PIGN: variants seen among roughly 807,000 people sequenced by gnomAD.
The protein encoded by PIGN is GPI ethanolamine phosphate transferase 1.
In PIGN, 117 loss-of-function variants were observed where a neutral mutation model predicts 125.4. The observed-to-expected ratio is 0.93, with a 90% confidence interval of 0.80 to 1.09. PIGN has a LOEUF of 1.09. PIGN is among the 50% of genes least tolerant of loss of function. The pLI, the probability that PIGN is intolerant of heterozygous loss-of-function variation, is 0.00. For synonymous variants in PIGN, 392 were observed against 377.8 expected (o/e 1.04, Z -0.44); for missense variants, 1,075 against 1,094.9 (o/e 0.98, Z 0.26).
rs541070535 is a variant in PIGN at position 62,067,407 on chromosome 18, A to G, written c.2672+5266T>C. 1.1e-4 allele frequency among the ~76,000 whole-genome samples: 16 copies of G among 152,324 alleles called. No individual in the cohort carries two copies. In the East Asian group the frequency reaches 3.1e-3, roughly 29 times the overall value. ...CCGATTATTGACAAATGCTACATCCATGTAACTAAAAACAACTTCAATATA... is the reference window on the plus strand; with the variant it reads ...CCGATTATTGACAAATGCTACATCCGTGTAACTAAAAACAACTTCAATATA... On this transcript the variant is annotated intron_variant, in intron 30 of 30. Coordinates refer to ENST00000640252, the MANE Select transcript of PIGN (RefSeq NM_176787.5).
chr18:62,153,705 G>T (rs1402110854), intron 7 of PIGN: 1 of 151,878 alleles, frequency 6.6e-6, no homozygotes, highest in East Asian at 1.9e-4. Flanking sequence ...AAAAAAATAG[G>T]GTTTAGCAAT....
At chr18:62,101,728 T>C (rs1298938938) in intron 21 of PIGN, among the ~76,000 whole-genome samples, 2 of 152,210 alleles carry the variant, frequency 1.3e-5, no homozygotes, top group Non-Finnish European at 2.9e-5. Flanking sequence ...CTATCCAAGC[T>C]CTATTCTTGA....
chr18:62,022,667 G>A (rs1321133325), intron 23 of PIGN, among the ~76,000 whole-genome samples: 2 of 152,168 alleles, frequency 1.3e-5, no homozygotes, highest in Non-Finnish European at 2.9e-5. Context: ...TTGGTTTTAA[G>A]TGTATAGGAA....
At chr18:62,084,801 C>A (rs1302378677) in intron 26 of PIGN, among the ~76,000 whole-genome samples, 195 bp from the exon 27 acceptor site, 1 of 152,142 alleles carries the variant, frequency 6.6e-6, no homozygotes, top group Non-Finnish European at 1.5e-5. Context: ...CAAAATATAT[C>A]ATTCAGTATA....
rs2298782 is a variant in PIGN, at chr18:62,109,333, T to C, written c.1574+501A>G. 9.7e-3 allele frequency among the ~76,000 whole-genome samples: 1,472 copies of C among 152,246 alleles called. 47 individuals carry two copies. The highest frequency in any genetic ancestry group is 0.069 in the East Asian group (355 of 5,176). ...AGAACCACAGCACATGTGAAAAATA[T>C]AGACTAATCTCTGTGTGTAAATATA... is the stretch of plus-strand genomic sequence containing the variant. On this transcript the variant is annotated intron_variant, in intron 17 of 30. Coordinates refer to ENST00000640252, the MANE Select transcript of PIGN (RefSeq NM_176787.5).
chr18:62,155,434 T>C (rs922352541), intron 6 of PIGN, among the ~76,000 whole-genome samples: 6 of 151,962 alleles, frequency 3.9e-5, no homozygotes, highest in Non-Finnish European at 7.4e-5. Context: ...CTGGGTGTGG[T>C]GGTGTGCGCT....
intron 23 of PIGN, among the ~76,000 whole-genome samples, chr18:62,025,465 G>A (rs525624): frequency 0.66 from 100,684 of 152,054 alleles, 34,962 homozygotes; most frequent in African/African-American, 0.88. Flanking sequence ...CATGTGGTTG[G>A]ATAAGCTTAG....
chr18:62,155,569 CA>C (rs1052717719), intron 6 of PIGN, among the ~76,000 whole-genome samples: 30 of 151,682 alleles, frequency 2.0e-4, no homozygotes, highest in Admixed American at 1.8e-3. Flanking sequence ...AACTCCGTCT[CA>C]AAAAAACAAA....
rs886988060 is a variant in PIGN at position 62,078,440 on chromosome 18, T to C, written c.2577-3619A>G. On this transcript the variant is annotated intron_variant, in intron 28 of 30. Coordinates refer to ENST00000640252, the MANE Select transcript of PIGN (RefSeq NM_176787.5). ...AGTCATAGACTTCTAACAGCAAGTC[T>C]GGCCCCACAGCCTGTGCTCCTAACC... 4.9e-4 allele frequency among the ~76,000 whole-genome samples: 75 copies of C among 152,218 alleles called. 4 individuals carry two copies. The highest frequency in any genetic ancestry group is 1.5e-5 in the Non-Finnish European group (1 of 68,042).
At chr18:62,055,087 TG>T (rs2031620862) in intron 30 of PIGN, among the ~76,000 whole-genome samples, 1 of 152,198 alleles carries the variant, frequency 6.6e-6, no homozygotes, top group Non-Finnish European at 1.5e-5. Context: ...TGACAGTCTC[TG>T]GTACAACCAC....
At chr18:62,185,362 A>G (rs1156672747) in intron 1 of PIGN, among the ~76,000 whole-genome samples, 5 of 152,228 alleles carry the variant, frequency 3.3e-5, no homozygotes, top group Non-Finnish European at 7.3e-5. Flanking sequence ...ATTTATCATT[A>G]AAACATTGGG....
chr18:62,184,833 CT>C (rs1243350035), intron 1 of PIGN, among the ~76,000 whole-genome samples: 2 of 152,166 alleles, frequency 1.3e-5, no homozygotes, highest in African/African-American at 4.8e-5. Context: ...TCAACACATA[CT>C]AATATTTCAA....
rs756703465 is a variant in PIGN at position 62,114,589 on chromosome 18, T to G, written c.1223A>C (p.Tyr408Ser). 1 of 1,523,146 alleles carries G rather than the reference T, an allele frequency of 6.6e-7. No individual in the cohort carries two copies. The allele number at this position is 1,523,146 out of a possible 1,614,324, so 94.4% of individuals were successfully genotyped here. A position where few individuals can be genotyped will look rare whatever the true frequency, so the allele number is the denominator to read the frequency against. The change falls in exon 15 of 31, where the codon TAT (tyrosine) becomes TCT (serine). Residue 408 changes from tyrosine (Y) to serine (S), a missense_variant. Physicochemically the swap from Tyr to Ser is moderately radical, Grantham distance 144. Around this residue, in one of 3 missense-constraint regions of PIGN, gnomAD observed 915 missense variants for 908.7 expected, o/e 1.01. Coordinates refer to ENST00000640252, the MANE Select transcript of PIGN (RefSeq NM_176787.5). ...TTCATCAAACTTTCTGTGTTTTATATAAGATCTTGCTTTTCTTAAAATGTT... is the reference window on the plus strand; with the variant it reads ...TTCATCAAACTTTCTGTGTTTTATAGAAGATCTTGCTTTTCTTAAAATGTT... ...QFNILRKARS[Y>S]IKHRKFDEVV...
intron 10 of PIGN, 53 bp downstream of exon 10, chr18:62,145,856 T>A (rs2036307472): frequency 1.1e-6 from 1 of 879,994 alleles, no homozygotes; most frequent in Non-Finnish European, 1.8e-6. Flanking sequence ...AATTTAAACT[T>A]TGTTCTTATT....
At chr18:62,101,778 G>C (rs539075332) in intron 21 of PIGN, among the ~76,000 whole-genome samples, 7 of 152,246 alleles carry the variant, frequency 4.6e-5, no homozygotes, top group Non-Finnish European at 8.8e-5. Context: ...TTTGCTTTTT[G>C]TGTGTGGTCT....
At chr18:62,122,047 G>A (rs1736675107) in intron 14 of PIGN, among the ~76,000 whole-genome samples, 1 of 152,064 alleles carries the variant, frequency 6.6e-6, no homozygotes, top group African/African-American at 2.4e-5. Flanking sequence ...AAAAGTAGAG[G>A]GGAGAAGGCA....
Position 62,084,567 on chromosome 18 carries a change from G to T in PIGN, c.2466C>A (p.Phe822Leu). 1 of 1,560,182 alleles carries T rather than the reference G, an allele frequency of 6.4e-7. No individual in the cohort carries two copies. The highest frequency in any genetic ancestry group is 8.7e-7 in the Non-Finnish European group (1 of 1,150,906). ...TCAGGGCTCCCATCATAAAAGGACT[G>T]AACACAGTCAGAAAGCAATAGACAG... ...LASVYCFLTV[F>L]SPFMMGALMM... is the part of the protein sequence containing the mutation. The change falls in exon 27 of 31, where the codon TTC becomes TTA. Residue 822 changes from phenylalanine (F) to leucine (L), a missense_variant. Transcript: ENST00000640252.
chr18:62,020,940 G>A (rs1419153939), intron 23 of PIGN, among the ~76,000 whole-genome samples: 1 of 144,410 alleles, frequency 6.9e-6, no homozygotes, highest in South Asian at 2.2e-4. Context: ...TAGCCTGGGC[G>A]ACTGAGCGAG....
At chr18:62,132,815 T>C (rs1159532686) in intron 14 of PIGN, among the ~76,000 whole-genome samples, 3 of 152,220 alleles carry the variant, frequency 2.0e-5, no homozygotes, top group African/African-American at 7.2e-5. Context: ...CAATGTAGAA[T>C]TTAGTTTTGT....
Sources: gnomAD v4.1 joint callset for allele counts (sites outside exome capture counted in the v4.1 genomes callset) on GRCh38, gnomAD v4.1.1 for gene constraint, gnomAD v4.1.1 regional missense constraint, MANE v1.5 for transcripts, NCBI Gene and HGNC (gene_info 2026-07-23, HGNC 2026-07-21) for gene names.